Variants in ST6GAL2 observed in about 807,000 individuals in gnomAD.
The protein encoded by ST6GAL2 is beta-galactoside alpha-2,6-sialyltransferase 2.
A neutral mutation model predicts 37.5 loss-of-function variants in ST6GAL2; 24 were observed. That is an observed-to-expected ratio of 0.64 (90% CI 0.46 to 0.90). The LOEUF is 0.90. Ranked by LOEUF, ST6GAL2 falls within the 40% of genes least tolerant of loss-of-function variation. ST6GAL2 has a pLI of 0.00. For missense variants in ST6GAL2, 715 were observed against 712.7 expected (o/e 1.00, Z -0.04); for synonymous variants, 306 against 295.1 (o/e 1.04, Z -0.38).
chr2:106,836,604 T>A (rs2104490444), intron 2 of ST6GAL2, among the ~76,000 whole-genome samples: 1 of 151,512 alleles, frequency 6.6e-6, no homozygotes, highest in Non-Finnish European at 1.5e-5. Flanking sequence ...TAGTCAGACA[T>A]TCCAAATAGT....
chr2:106,867,536 C>T (rs1376044595), intron 1 of ST6GAL2, among the ~76,000 whole-genome samples: 3 of 152,164 alleles, frequency 2.0e-5, no homozygotes, highest in African/African-American at 4.8e-5. Flanking sequence ...ACAACAAAGG[C>T]GAAGTCATTT....
intron 1 of ST6GAL2, among the ~76,000 whole-genome samples, chr2:106,863,823 T>C (rs1677909348): frequency 6.6e-6 from 1 of 152,208 alleles, no homozygotes; most frequent in Non-Finnish European, 1.5e-5. Flanking sequence ...TTATTATCAT[T>C]ACATGCATGT....
At chr2:106,860,294 C>A (rs2104577777) in intron 1 of ST6GAL2, among the ~76,000 whole-genome samples, 1 of 152,304 alleles carries the variant, frequency 6.6e-6, no homozygotes, top group African/African-American at 2.4e-5. Flanking sequence ...GCTGACCATG[C>A]ATCCTCAGAG....
At chr2:106,822,829 G>A (rs942427424) in intron 5 of ST6GAL2, 6 of 152,020 alleles carry the variant, frequency 3.9e-5, no homozygotes, top group African/African-American at 1.4e-4. Context: ...CCATTAATAA[G>A]AATCTTATTA....
intron 1 of ST6GAL2, among the ~76,000 whole-genome samples, chr2:106,880,553 G>T (rs1002709726): frequency 6.6e-6 from 1 of 152,224 alleles, no homozygotes; most frequent in Non-Finnish European, 1.5e-5. Context: ...TTGTCATAAA[G>T]AACATTTACA....
intron 1 of ST6GAL2, among the ~76,000 whole-genome samples, chr2:106,852,821 G>C (rs1436404871): frequency 6.6e-6 from 1 of 152,166 alleles, no homozygotes; most frequent in Non-Finnish European, 1.5e-5. Flanking sequence ...GGGCTGGTGG[G>C]TGCACGAGCA....
intron 5 of ST6GAL2, among the ~76,000 whole-genome samples, chr2:106,815,116 A>C (rs1573208844): frequency 6.6e-6 from 1 of 152,342 alleles, no homozygotes; most frequent in Non-Finnish European, 1.5e-5. Context: ...TAGTACATGT[A>C]ACACAATCCA....
chr2:106,876,679 G>C (rs1219548210), intron 1 of ST6GAL2, among the ~76,000 whole-genome samples: 1 of 152,104 alleles, frequency 6.6e-6, no homozygotes, highest in Non-Finnish European at 1.5e-5. Flanking sequence ...GGTTATATAG[G>C]TATATTCAAT....
At chr2:106,882,243 C>G (rs1678780250) in intron 1 of ST6GAL2, among the ~76,000 whole-genome samples, 1 of 152,220 alleles carries the variant, frequency 6.6e-6, no homozygotes, top group African/African-American at 2.4e-5. Flanking sequence ...TAGTTGGTCT[C>G]TGGCCCCACA....
In ST6GAL2 at chr2:106,804,746, G is replaced by C. The variant is rs1675361573; in HGVS notation, c.*1932C>G. On this transcript the variant is annotated 3_prime_UTR_variant, in exon 6 of 6. Transcript: ENST00000409382. ...GTCCCCAGCTACTCAGGAGGCTGAGGCAGGAGAATGGTGTGAACGTGGGAG... is the reference window on the plus strand; with the variant it reads ...GTCCCCAGCTACTCAGGAGGCTGAGCCAGGAGAATGGTGTGAACGTGGGAG... The C allele has an allele frequency of 6.7e-6, 1 of 148,780 alleles. No individual in the cohort carries two copies. The highest frequency in any genetic ancestry group is 2.5e-5 in the African/African-American group (1 of 40,326). The allele number at this position is 148,780 out of a possible 1,614,324, so 9.2% of individuals were successfully genotyped here.
rs1464287149 is a variant in ST6GAL2 at position 106,843,587 on chromosome 2, AGTC to A, written c.388_390del (p.Asp130del). The A allele has an allele frequency of 6.2e-7, 1 of 1,614,034 alleles. No individual in the cohort carries two copies. The highest frequency in any genetic ancestry group is 8.5e-7 in the Non-Finnish European group (1 of 1,180,026). On this transcript the variant is annotated inframe_deletion, in exon 2 of 6. Transcript: ENST00000409382. Reference sequence around the variant, plus strand: ...CCTGGCTGACCAGCAGCAAAAAAGTAGTCGTCATCCTCCGGGTAGAAAGCACTT... The same window carrying A: ...CCTGGCTGACCAGCAGCAAAAAAGTAGTCATCCTCCGGGTAGAAAGCACTT...
At chr2:106,828,570 C>T (rs1006664383) in intron 5 of ST6GAL2, among the ~76,000 whole-genome samples, 2 of 152,020 alleles carry the variant, frequency 1.3e-5, no homozygotes, top group Non-Finnish European at 1.5e-5. Flanking sequence ...TATTACAATA[C>T]CAAAACCCAC....
At chr2:106,878,860 C>G (rs1678619896) in intron 1 of ST6GAL2, among the ~76,000 whole-genome samples, 1 of 152,230 alleles carries the variant, frequency 6.6e-6, no homozygotes, top group South Asian at 2.1e-4. Flanking sequence ...TCATTTTCAA[C>G]ACAGTGTGGT....
chr2:106,870,948 T>G (rs1431267350), intron 1 of ST6GAL2, among the ~76,000 whole-genome samples: 1 of 152,120 alleles, frequency 6.6e-6, no homozygotes, highest in Non-Finnish European at 1.5e-5. Flanking sequence ...TTTAATATAG[T>G]CATGCCATGC....
intron 4 of ST6GAL2, among the ~76,000 whole-genome samples, chr2:106,830,515 G>C (rs572463947): frequency 6.6e-6 from 1 of 152,200 alleles, no homozygotes; most frequent in Admixed American, 6.5e-5. Flanking sequence ...CTTCCACAAA[G>C]GGCCAGATAA....
At chr2:106,850,039 A>G (rs972983827) in intron 1 of ST6GAL2, among the ~76,000 whole-genome samples, 11 of 152,194 alleles carry the variant, frequency 7.2e-5, no homozygotes, top group African/African-American at 2.7e-4. Flanking sequence ...AGCCTGGGCC[A>G]TGGTCACTCA....
intron 1 of ST6GAL2, among the ~76,000 whole-genome samples, chr2:106,877,395 T>C (rs1055036463): frequency 1.1e-4 from 17 of 150,856 alleles, no homozygotes; most frequent in Admixed American, 5.3e-4. Context: ...ATACACACGA[T>C]AGAAGGCCTG....
intron 1 of ST6GAL2, among the ~76,000 whole-genome samples, chr2:106,863,024 G>A (rs1677873582): frequency 6.6e-6 from 1 of 151,538 alleles, no homozygotes; most frequent in Admixed American, 6.6e-5. Context: ...TAAAGAACAT[G>A]GTATTCCTGG....
intron 1 of ST6GAL2, among the ~76,000 whole-genome samples, chr2:106,865,041 T>C (rs993157058): frequency 6.6e-6 from 1 of 152,142 alleles, no homozygotes; most frequent in African/African-American, 2.4e-5. Context: ...TGAACGGAAC[T>C]GGGATGCGAT....
Sources: allele counts gnomAD v4.1 joint callset (sites outside exome capture counted in the v4.1 genomes callset), GRCh38; gene constraint gnomAD v4.1.1; transcripts MANE v1.5; gene names NCBI Gene and HGNC (gene_info 2026-07-23, HGNC 2026-07-21).